Variants in CERS6 observed in about 807,000 individuals in gnomAD.
CERS6 encodes LAG1 homolog, ceramide synthase 6.
In CERS6, 26 loss-of-function variants were observed where a neutral mutation model predicts 56.8. The observed-to-expected ratio is 0.46, with a 90% CI of 0.34 to 0.63. The LOEUF (loss-of-function observed/expected upper bound fraction) is 0.63. Among genes scored for constraint, CERS6 ranks in the 30% least tolerant of loss-of-function variants. CERS6 has a pLI of 0.01. For missense variants in CERS6, 415 were observed against 467.5 expected (o/e 0.89, Z 1.04); for synonymous variants, 164 against 173.3 (o/e 0.95, Z 0.42).
intron 6 of CERS6, 44 bp downstream of exon 6, chr2:168,695,095 T>C (rs772706925): frequency 1.4e-6 from 2 of 1,480,668 alleles, no homozygotes; most frequent in Non-Finnish European, 1.9e-6. Flanking sequence ...CATGCATCTT[T>C]AATGGCCCTT....
chr2:168,711,731 C>CAAA (rs35886865), intron 6 of CERS6, among the ~76,000 whole-genome samples: 29,283 of 97,270 alleles, frequency 0.3, 5,090 homozygotes, highest in Non-Finnish European at 0.41. Flanking sequence ...GAGACTGTCT[C>CAAA]AAAAAAAAAA....
chr2:168,515,098 A>T (rs1411682938), intron 1 of CERS6, among the ~76,000 whole-genome samples: 1 of 152,230 alleles, frequency 6.6e-6, no homozygotes, highest in Non-Finnish European at 1.5e-5. Context: ...ATGAGATTTT[A>T]GTATTTTAGA....
intron 3 of CERS6, among the ~76,000 whole-genome samples, chr2:168,576,942 C>T (rs767089339): frequency 2.0e-5 from 3 of 152,030 alleles, no homozygotes; most frequent in South Asian, 2.1e-4. Context: ...GTTGAGGAAG[C>T]GTGAGGGAGG....
At chr2:168,684,701 T>A (rs917486777) in intron 4 of CERS6, among the ~76,000 whole-genome samples, 4 of 152,158 alleles carry the variant, frequency 2.6e-5, no homozygotes, top group African/African-American at 7.2e-5. Flanking sequence ...TACAATTAGA[T>A]CTCAGCTTCT....
At chr2:168,646,595 G>A (rs770743912) in intron 4 of CERS6, among the ~76,000 whole-genome samples, 2 of 152,152 alleles carry the variant, frequency 1.3e-5, no homozygotes, top group Admixed American at 6.6e-5. Flanking sequence ...TGGTATCTTC[G>A]TCATGAAATC....
chr2:168,477,454 T>C (rs982218151), intron 1 of CERS6, among the ~76,000 whole-genome samples: 1 of 152,242 alleles, frequency 6.6e-6, no homozygotes, highest in East Asian at 1.9e-4. Flanking sequence ...TATGGAAATA[T>C]TGAAAAGTCA....
intron 3 of CERS6, among the ~76,000 whole-genome samples, chr2:168,601,305 T>G (rs1683926910): frequency 1.3e-5 from 2 of 152,194 alleles, no homozygotes; most frequent in African/African-American, 4.8e-5. Flanking sequence ...TAATTGTGAC[T>G]CTCAGTGCAA....
Position 168,550,351 on chromosome 2 carries a change from AT to A in CERS6, c.276+2657del, listed in dbSNP as rs1278204070. ...CCACCACACCTGGCTAATGTAAAAA[AT>A]TTTTTTGGAGAGATAGGGCCTCACT... On this transcript the variant is annotated intron_variant, in intron 2 of 9. Transcript: ENST00000305747. Among the ~76,000 whole-genome samples, 57 of 152,032 alleles carry A rather than the reference AT, an allele frequency of 3.7e-4. 1 individual carries two copies. The highest frequency in any genetic ancestry group is 3.3e-3 in the East Asian group (17 of 5,150).
chr2:168,686,901 A>T (rs2105356597), intron 4 of CERS6, among the ~76,000 whole-genome samples: 1 of 152,362 alleles, frequency 6.6e-6, no homozygotes, highest in East Asian at 1.9e-4. Context: ...ACACTAGCTT[A>T]GATATGAGAG....
chr2:168,765,721 A>G lies in CERS6; in HGVS notation c.975A>G (p.Ile325Met). 1 of 1,613,444 alleles carries G rather than the reference A, an allele frequency of 6.2e-7. No homozygotes were observed. Among genetic ancestry groups the G allele is most frequent in the South Asian group, 1.1e-5 (1 of 90,766 alleles). ...TCTGGTCTTACTTGATTGTGAAAAT[A>G]GCTTGCAAAGCTGTTTCAAGAGGCA... ...NCFWSYLIVK[I>M]ACKAVSRGKV... Residue 325 changes from isoleucine to methionine, a missense_variant, in exon 9 of 10, where the codon ATA (isoleucine) becomes ATG (methionine). Physicochemically the swap from Ile to Met is conservative, Grantham distance 10. Coordinates refer to ENST00000305747, the MANE Select transcript of CERS6 (RefSeq NM_203463.3).
rs11686187 is a variant in CERS6 at position 168,746,819 on chromosome 2, A to G, written c.846-18773A>G. Among the ~76,000 whole-genome samples the G allele has an allele frequency of 3.6e-3, 334 of 93,564 alleles. 1 individual carries two copies. The highest frequency in any genetic ancestry group is 0.011 in the Middle Eastern group (2 of 174). 61.4% of individuals were successfully genotyped at this position (93,564 alleles called of 152,430 possible). A position where few individuals can be genotyped will look rare whatever the true frequency, so the allele number is the denominator to read the frequency against. On this transcript the variant is annotated intron_variant, in intron 8 of 9. Coordinates refer to ENST00000305747, the MANE Select transcript of CERS6 (RefSeq NM_203463.3). ...TATATATATATATATATATATATAT[A>G]TAAAATCATCTTTGAAAAAATGATT... is the stretch of plus-strand genomic sequence containing the variant.
intron 4 of CERS6, among the ~76,000 whole-genome samples, chr2:168,640,036 G>C (rs1489839387): frequency 6.6e-6 from 1 of 152,080 alleles, no homozygotes; most frequent in African/African-American, 2.4e-5. Flanking sequence ...AAGAAATGTA[G>C]GCTTCCACAA....
At chr2:168,729,402 T>C (rs189662125) in intron 8 of CERS6, among the ~76,000 whole-genome samples, 95 of 152,358 alleles carry the variant, frequency 6.2e-4, no homozygotes, top group African/African-American at 2.2e-3. Context: ...ACCAGGCTAG[T>C]GCTCTCCATC....
At chr2:168,750,698 T>C (rs1202017946) in intron 8 of CERS6, among the ~76,000 whole-genome samples, 1 of 152,216 alleles carries the variant, frequency 6.6e-6, no homozygotes, top group African/African-American at 2.4e-5. Flanking sequence ...ATAAATAATA[T>C]TGAAATAAAC....
chr2:168,689,697 A>C (rs1366547549), intron 4 of CERS6, among the ~76,000 whole-genome samples: 1 of 152,192 alleles, frequency 6.6e-6, no homozygotes, highest in Admixed American at 6.5e-5. Flanking sequence ...TACATGATAC[A>C]GACAGTGTTG....
chr2:168,669,444 A>G (rs1247973388), intron 4 of CERS6, among the ~76,000 whole-genome samples: 5 of 152,182 alleles, frequency 3.3e-5, no homozygotes, highest in African/African-American at 2.4e-5. Flanking sequence ...TTGCTTTTTC[A>G]GGAGACAGTA....
rs193252944 is a variant in CERS6, at chr2:168,619,287, A to T, written c.408-11698A>T. Among the ~76,000 whole-genome samples, 258 of 152,342 alleles carry T rather than the reference A, an allele frequency of 1.7e-3. 2 individuals carry two copies. In the Middle Eastern group the frequency reaches 0.031, roughly 18 times the overall value. ...GATAACATTGGAAAAACCCTTCTAG[A>T]CATTGGCTTAAGCAAGTTTTTCATG... is the stretch of plus-strand genomic sequence containing the variant. On this transcript the variant is annotated intron_variant, in intron 3 of 9. Coordinates refer to ENST00000305747, the MANE Select transcript of CERS6 (RefSeq NM_203463.3).
chr2:168,675,704 A>T (rs9678422), intron 4 of CERS6, among the ~76,000 whole-genome samples: 141,012 of 151,434 alleles, frequency 0.93, 65,698 homozygotes, highest in East Asian at 0.98. Context: ...TCTTTTTTTT[A>T]TGAGATGGAG....
At chr2:168,671,732 A>G (rs1685923625) in intron 4 of CERS6, among the ~76,000 whole-genome samples, 1 of 152,212 alleles carries the variant, frequency 6.6e-6, no homozygotes, top group Non-Finnish European at 1.5e-5. Context: ...AGATGGAGTC[A>G]TTCTTTCAGG....
Sources: gnomAD v4.1 joint callset for allele counts (sites outside exome capture counted in the v4.1 genomes callset) on GRCh38, gnomAD v4.1.1 for gene constraint, MANE v1.5 for transcripts, NCBI Gene and HGNC (gene_info 2026-07-23, HGNC 2026-07-21) for gene names.